GREM2: variants seen among roughly 807,000 people sequenced by gnomAD.
GREM2 encodes the protein gremlin 2, DAN family BMP antagonist, also known as gremlin-2.
GREM2 carries 11 observed loss-of-function variants against 14.2 expected under a neutral mutation model. The observed-to-expected ratio is 0.78, with a 90% CI of 0.49 to 1.28. GREM2 has a LOEUF of 1.28. GREM2 is among the 50% of genes most tolerant of loss of function. The pLI, the probability that GREM2 is intolerant of heterozygous loss-of-function variation, is 0.00. For missense variants in GREM2, 210 were observed against 218.5 expected (o/e 0.96, Z 0.24); for synonymous variants, 98 against 97.6 (o/e 1.00, Z -0.02).
chr1:240,586,382 T>C (rs559953360), intron 1 of GREM2, among the ~76,000 whole-genome samples: 74 of 152,338 alleles, frequency 4.9e-4, no homozygotes, highest in African/African-American at 1.7e-3. Flanking sequence ...GCTGACTCCT[T>C]TCTCTGTGAA....
rs764426994 is a variant in GREM2, at chr1:240,524,227, T to G, written c.-1-30751A>C. Among the ~76,000 whole-genome samples, 52 of 152,250 alleles carry G rather than the reference T, an allele frequency of 3.4e-4. 1 individual carries two copies. Among genetic ancestry groups the G allele is most frequent in the Non-Finnish European group, 5.0e-4 (34 of 68,048 alleles). On this transcript the variant is annotated intron_variant, in intron 1 of 1. Transcript: ENST00000318160. ...GACAAAAAATAAAATGTTGCCAGGT[T>G]GGTATGAACTCCTTGCCTCAAGTGA...
intron 1 of GREM2, among the ~76,000 whole-genome samples, chr1:240,497,408 C>A (rs183892932): frequency 9.5e-4 from 145 of 152,116 alleles, no homozygotes; most frequent in African/African-American, 3.3e-3. Flanking sequence ...AAAATTGCCT[C>A]ACCCAATTCT....
chr1:240,591,283 A>G (rs1168657387), intron 1 of GREM2, among the ~76,000 whole-genome samples: 1 of 152,234 alleles, frequency 6.6e-6, no homozygotes, highest in Admixed American at 6.5e-5. Flanking sequence ...ATGATCCTCC[A>G]GGGTAGTCCC....
At chr1:240,537,077 T>C (rs1191953006) in intron 1 of GREM2, among the ~76,000 whole-genome samples, 1 of 152,212 alleles carries the variant, frequency 6.6e-6, no homozygotes, top group African/African-American at 2.4e-5. Context: ...ATAAATTAAA[T>C]ACAGATTTTT....
chr1:240,559,308 C>A lies in GREM2; in HGVS notation c.-2+52576G>T, dbSNP rs1395828375. Among the ~76,000 whole-genome samples the A allele has an allele frequency of 3.4e-5, 5 of 146,476 alleles. No homozygotes were observed. The South Asian group carries it at 1.1e-3, about 32-fold the overall frequency. On this transcript the variant is annotated intron_variant, in intron 1 of 1. Coordinates refer to ENST00000318160, the MANE Select transcript of GREM2 (RefSeq NM_022469.4). ...CAATACATACTTTTTAAAAATCGGT[C>A]ATTAGTATCACCGCCAATCTCATCA... is the stretch of plus-strand genomic sequence containing the variant.
intron 1 of GREM2, among the ~76,000 whole-genome samples, chr1:240,524,177 C>A (rs988143205): frequency 2.2e-4 from 34 of 152,170 alleles, no homozygotes; most frequent in African/African-American, 7.5e-4. Context: ...CCACCTCGCC[C>A]AGCTAATTTT....
intron 1 of GREM2, chr1:240,549,953 G>C (rs1261196568): frequency 6.6e-6 from 1 of 152,310 alleles, no homozygotes; most frequent in Non-Finnish European, 1.5e-5. Flanking sequence ...AGAAAGGATG[G>C]AGGAAGAAGT....
intron 1 of GREM2, among the ~76,000 whole-genome samples, chr1:240,510,477 G>T (rs1677799865): frequency 6.6e-6 from 1 of 151,484 alleles, no homozygotes; most frequent in African/African-American, 2.4e-5. Context: ...GGGTGGAGGG[G>T]AAAGGACAGC....
chr1:240,535,706 G>A (rs141194532), intron 1 of GREM2, among the ~76,000 whole-genome samples: 1,673 of 151,804 alleles, frequency 0.011, 9 homozygotes, highest in Non-Finnish European at 0.017. Context: ...GGCTGAGGCA[G>A]GAGAATTGCT....
At chr1:240,609,171 T>C (rs1010638942) in intron 1 of GREM2, among the ~76,000 whole-genome samples, 1 of 152,142 alleles carries the variant, frequency 6.6e-6, no homozygotes, top group Non-Finnish European at 1.5e-5. Flanking sequence ...CTTTATATCA[T>C]GTCACTTTAT....
chr1:240,570,577 T>C (rs919046969), intron 1 of GREM2, among the ~76,000 whole-genome samples: 1 of 152,192 alleles, frequency 6.6e-6, no homozygotes, highest in African/African-American at 2.4e-5. Flanking sequence ...ATAAAAAGAC[T>C]GAAACACTTA....
At chr1:240,544,427 G>A (rs186954085) in intron 1 of GREM2, among the ~76,000 whole-genome samples, 19 of 152,188 alleles carry the variant, frequency 1.2e-4, no homozygotes, top group East Asian at 5.8e-4. Flanking sequence ...GATTACAGGC[G>A]TGAGCCACCG....
intron 1 of GREM2, among the ~76,000 whole-genome samples, chr1:240,537,164 G>A (rs2103321709): frequency 6.6e-6 from 1 of 152,200 alleles, no homozygotes; most frequent in East Asian, 1.9e-4. Flanking sequence ...ACTTGAAATG[G>A]AAGCTATTTG....
chr1:240,503,521 C>T (rs1677615484), intron 1 of GREM2, among the ~76,000 whole-genome samples: 1 of 152,218 alleles, frequency 6.6e-6, no homozygotes, highest in Non-Finnish European at 1.5e-5. Context: ...CACTTACAAA[C>T]AAGTTCAAAG....
chr1:240,526,287 CTA>C (rs1678220316), intron 1 of GREM2, among the ~76,000 whole-genome samples: 1 of 152,148 alleles, frequency 6.6e-6, no homozygotes, highest in East Asian at 1.9e-4. Flanking sequence ...CATTAGGAGT[CTA>C]TTTTATAATC....
intron 1 of GREM2, among the ~76,000 whole-genome samples, chr1:240,585,603 G>A (rs949544180): frequency 3.3e-5 from 5 of 151,482 alleles, no homozygotes; most frequent in African/African-American, 9.7e-5. Context: ...GGTGGCGGGC[G>A]CCTGTAATCC....
chr1:240,541,553 T>C (rs941171508), intron 1 of GREM2, among the ~76,000 whole-genome samples: 4 of 152,206 alleles, frequency 2.6e-5, no homozygotes, highest in East Asian at 1.9e-4. Context: ...TTTACTGCTG[T>C]CTTTTGTGTC....
intron 1 of GREM2, among the ~76,000 whole-genome samples, chr1:240,516,779 G>A (rs1017739771): frequency 4.6e-5 from 7 of 152,152 alleles, no homozygotes; most frequent in Non-Finnish European, 1.5e-5. Flanking sequence ...GCCAGCAAGT[G>A]AGCCTTAATT....
intron 1 of GREM2, among the ~76,000 whole-genome samples, chr1:240,561,417 TC>T (rs1389322329): frequency 5.9e-5 from 9 of 152,278 alleles, no homozygotes; most frequent in East Asian, 5.8e-4. Context: ...TTCCAATTTG[TC>T]CCATTAATTT....
Sources: gnomAD v4.1 joint callset for allele counts (sites outside exome capture counted in the v4.1 genomes callset) on GRCh38, gnomAD v4.1.1 for gene constraint, MANE v1.5 for transcripts, NCBI Gene and HGNC (gene_info 2026-07-23, HGNC 2026-07-21) for gene names.